MAP7: variants seen among roughly 807,000 people sequenced by gnomAD.
MAP7 encodes the protein ensconsin.
Under a neutral mutation model 94.8 loss-of-function variants are expected in MAP7, and 52 were observed. The observed-to-expected ratio is 0.55, with a 90% CI of 0.44 to 0.69. MAP7 has a LOEUF of 0.69. MAP7 is among the 30% of genes least tolerant of loss of function. The pLI, the probability that MAP7 is intolerant of heterozygous loss-of-function variation, is 0.00. For synonymous variants in MAP7, 350 were observed against 357.0 expected (o/e 0.98, Z 0.22); for missense variants, 940 against 964.6 (o/e 0.97, Z 0.34).
chr6:136,466,820 C>T, intron 1 of MAP7: 1 of 1,534,138 alleles, frequency 6.5e-7, no homozygotes, highest in Non-Finnish European at 8.7e-7. Flanking sequence ...TGCAACATAT[C>T]TGCATGTCTC....
chr6:136,542,069 T>C (rs1468738687), intron 1 of MAP7, among the ~76,000 whole-genome samples: 6 of 152,032 alleles, frequency 3.9e-5, no homozygotes, highest in African/African-American at 1.4e-4. Flanking sequence ...AAAAAATATA[T>C]TTAAAAAAAA....
At chr6:136,527,763 G>A (rs1487336588) in intron 1 of MAP7, among the ~76,000 whole-genome samples, 1 of 152,136 alleles carries the variant, frequency 6.6e-6, no homozygotes, top group Admixed American at 6.5e-5. Context: ...CTACCAGGAA[G>A]TACTTCTTTG....
intron 1 of MAP7, among the ~76,000 whole-genome samples, chr6:136,441,544 C>A (rs73567652): frequency 2.1e-3 from 324 of 152,238 alleles, no homozygotes; most frequent in African/African-American, 7.2e-3. Flanking sequence ...ATATAGGTAG[C>A]TATTCTTCCT....
At chr6:136,445,384 G>A (rs900717838) in intron 1 of MAP7, among the ~76,000 whole-genome samples, 3 of 152,102 alleles carry the variant, frequency 2.0e-5, no homozygotes, top group Non-Finnish European at 2.9e-5. Context: ...AGAATTTACT[G>A]TCCCTAGCCC....
At position 136,463,785 on chromosome 6, in the gene MAP7, G is replaced by GAAGT. The variant is rs1806025054; in HGVS notation, c.68-41990_68-41987dup. ...GATTTGCCTGTGGTCAGGCAAACATGAAGTGTTGGAGCTGAGTTTTGAAAT... is the reference window on the plus strand; with the variant it reads ...GATTTGCCTGTGGTCAGGCAAACATGAAGTAAGTGTTGGAGCTGAGTTTTGAAAT... On this transcript the variant is annotated intron_variant, in intron 1 of 17. Transcript: ENST00000354570. Among the ~76,000 whole-genome samples, 4 of 152,202 alleles carry GAAGT rather than the reference G, an allele frequency of 2.6e-5. 1 individual carries two copies. Among genetic ancestry groups the GAAGT allele is most frequent in the Admixed American group, 2.6e-4 (4 of 15,278 alleles).
At chr6:136,413,520 T>A (rs1788188746) in intron 2 of MAP7, among the ~76,000 whole-genome samples, 1 of 144,730 alleles carries the variant, frequency 6.9e-6, no homozygotes, top group African/African-American at 2.6e-5. Context: ...CGAGACACCG[T>A]CTCAGAAAAA....
chr6:136,547,153 T>A (rs1450886620), intron 1 of MAP7, among the ~76,000 whole-genome samples: 2 of 152,204 alleles, frequency 1.3e-5, no homozygotes, highest in Non-Finnish European at 2.9e-5. Flanking sequence ...ACTTTTTGAT[T>A]TGGAAAAGTT....
At chr6:136,409,342 G>A (rs1786619497) in intron 3 of MAP7, among the ~76,000 whole-genome samples, 1 of 152,146 alleles carries the variant, frequency 6.6e-6, no homozygotes, top group African/African-American at 2.4e-5. Flanking sequence ...GATCACACCT[G>A]TGAACAGCTA....
At chr6:136,459,728 G>A (rs1804556066) in intron 1 of MAP7, among the ~76,000 whole-genome samples, 1 of 152,128 alleles carries the variant, frequency 6.6e-6, no homozygotes, top group Admixed American at 6.6e-5. Flanking sequence ...TAAAATGGTG[G>A]TTGCCATGGG....
intron 3 of MAP7, 38 bp from the exon 4 acceptor site, chr6:136,389,555 T>A: frequency 6.4e-7 from 1 of 1,563,990 alleles, no homozygotes; most frequent in Non-Finnish European, 8.7e-7. Context: ...AAGAGGGAAA[T>A]CAAATATAGG....
At chr6:136,503,101 C>T (rs549704670) in intron 1 of MAP7, among the ~76,000 whole-genome samples, 6 of 152,200 alleles carry the variant, frequency 3.9e-5, no homozygotes, top group Non-Finnish European at 7.3e-5. Context: ...CCAAGGACTA[C>T]ATGAATAATG....
chr6:136,511,393 T>C (rs1411587949), intron 1 of MAP7, among the ~76,000 whole-genome samples: 2 of 152,156 alleles, frequency 1.3e-5, no homozygotes, highest in Admixed American at 6.5e-5. Context: ...AGGTTTTGAA[T>C]CCTAATATCT....
At chr6:136,503,452 G>C (rs1228626353) in intron 1 of MAP7, among the ~76,000 whole-genome samples, 2 of 152,028 alleles carry the variant, frequency 1.3e-5, no homozygotes, top group East Asian at 3.9e-4. Flanking sequence ...CTCTAACCCT[G>C]ACCCGCCATG....
intron 1 of MAP7, among the ~76,000 whole-genome samples, chr6:136,424,241 C>G (rs190503518): frequency 6.6e-6 from 1 of 150,946 alleles, no homozygotes; most frequent in Non-Finnish European, 1.5e-5. Flanking sequence ...ATTGTATATA[C>G]CCTTATAAAA....
intron 1 of MAP7, among the ~76,000 whole-genome samples, chr6:136,468,538 G>C (rs1050832959): frequency 6.6e-6 from 1 of 152,148 alleles, no homozygotes; most frequent in Non-Finnish European, 1.5e-5. Flanking sequence ...TACACCTACT[G>C]AATATCATAG....
intron 1 of MAP7, among the ~76,000 whole-genome samples, chr6:136,427,613 C>A (rs3778302): frequency 0.83 from 126,312 of 152,236 alleles, 52,481 homozygotes; most frequent in Middle Eastern, 0.87. Context: ...CACTCTATTG[C>A]TCAATTCTTG....
At chr6:136,391,555 AAACAACAACAAC>A (rs58864802) in intron 3 of MAP7, among the ~76,000 whole-genome samples, 3 of 149,642 alleles carry the variant, frequency 2.0e-5, no homozygotes, top group African/African-American at 4.9e-5. Flanking sequence ...GTATAATAAA[AAACAACAACAAC>A]AACAACAACA....
chr6:136,433,822 T>C (rs1280290999), intron 1 of MAP7, among the ~76,000 whole-genome samples: 1 of 152,170 alleles, frequency 6.6e-6, no homozygotes, highest in African/African-American at 2.4e-5. Flanking sequence ...GGAAGAACAC[T>C]TCCTGGCCAA....
At chr6:136,411,769 A>G in intron 2 of MAP7, 72 bp from the exon 3 acceptor site, 1 of 1,170,042 alleles carries the variant, frequency 8.5e-7, no homozygotes, top group Non-Finnish European at 1.2e-6. Flanking sequence ...AAAAACACAC[A>G]TTGATAAATA....
Sources: allele counts gnomAD v4.1 joint callset (sites outside exome capture counted in the v4.1 genomes callset), GRCh38; gene constraint gnomAD v4.1.1; transcripts MANE v1.5; gene names NCBI Gene and HGNC (gene_info 2026-07-23, HGNC 2026-07-21).